ATG2B: variants seen among roughly 807,000 people sequenced by gnomAD.
ATG2B encodes autophagy related 2B, also known as autophagy-related protein 2 homolog B.
In ATG2B, 121 loss-of-function variants were observed where a neutral mutation model predicts 241.3. The observed-to-expected ratio is 0.50, with a 90% CI of 0.43 to 0.58. The LOEUF (loss-of-function observed/expected upper bound fraction) is 0.58. Among genes scored for constraint, ATG2B ranks in the 20% least tolerant of loss-of-function variants. The pLI is 0.00. For synonymous variants in ATG2B, 858 were observed against 876.6 expected, an observed-to-expected ratio of 0.98 and a Z score of 0.37; for missense variants, 2,306 against 2,491.6, an observed-to-expected ratio of 0.93 and a Z score of 1.59.
chr14:96,317,809 CTGG>C lies in ATG2B; in HGVS notation c.2923_2925del (p.Pro975del). 2.5e-6 allele frequency: 4 copies of C among 1,612,616 alleles called. No individual in the cohort carries two copies. The highest frequency in any genetic ancestry group is 2.5e-6 in the Non-Finnish European group (3 of 1,179,066). The stretch of plus-strand genomic sequence containing the variant: ...TAGGAAATATTCTCGAATGTCTCCA[CTGG>C]TGAAGGAGCTGTTGGTTCCCACAGT... On this transcript the variant is annotated inframe_deletion, in exon 19 of 42. Transcript: ENST00000359933.
chr14:96,338,981 A>G (rs570298984), intron 6 of ATG2B, among the ~76,000 whole-genome samples: 34 of 152,282 alleles, frequency 2.2e-4, no homozygotes, highest in African/African-American at 8.2e-4. Flanking sequence ...ACATGATTAT[A>G]TATTTCTCAA....
intron 21 of ATG2B, among the ~76,000 whole-genome samples, chr14:96,315,989 A>G (rs1218472170): frequency 6.6e-6 from 1 of 152,216 alleles, no homozygotes; most frequent in Non-Finnish European, 1.5e-5. Context: ...ATCTATCTTT[A>G]CAGTGGAATA....
intron 29 of ATG2B, 112 bp downstream of exon 29, chr14:96,309,341 C>A: frequency 1.6e-6 from 2 of 1,278,378 alleles, no homozygotes; most frequent in Non-Finnish European, 2.2e-6. Flanking sequence ...AACAGATATC[C>A]ATAAAAACTC....
At chr14:96,340,070 G>A (rs1277354649) in intron 6 of ATG2B, among the ~76,000 whole-genome samples, 3 of 68,074 alleles carry the variant, frequency 4.4e-5, no homozygotes, top group African/African-American at 1.2e-4. Flanking sequence ...TATGCTATAT[G>A]TGATATGATA....
rs754385291 is a variant in ATG2B at position 96,325,823 on chromosome 14, G to A, written c.2263C>T (p.Arg755Cys). The change falls in exon 15 of 42, where the codon CGC becomes TGC. Residue 755 changes from arginine (R) to cysteine (C), a missense_variant. Around this residue, in one of 2 missense-constraint regions of ATG2B, gnomAD observed 1,927 missense variants for 2,011.2 expected, o/e 0.96. Coordinates refer to ENST00000359933, the MANE Select transcript of ATG2B (RefSeq NM_018036.7). Reference protein sequence around the residue: ...VATPALNLSVRFPIPDLRSDQ... With the variant: ...VATPALNLSVCFPIPDLRSDQ... The stretch of plus-strand genomic sequence containing the variant: ...GATCGAAGATCAGGTATTGGGAAGC[G>A]AACAGAAAGGTTTAATGCTGGTGTG... The A allele has an allele frequency of 2.5e-6, 4 of 1,613,966 alleles. No homozygotes were observed. Among genetic ancestry groups the A allele is most frequent in the Non-Finnish European group, 3.4e-6 (4 of 1,179,958 alleles).
intron 30 of ATG2B, among the ~76,000 whole-genome samples, chr14:96,306,450 G>A (rs972572144): frequency 6.6e-6 from 1 of 151,976 alleles, no homozygotes; most frequent in Non-Finnish European, 1.5e-5. Flanking sequence ...CACGATCCTT[G>A]AATAGTCATC....
chr14:96,300,226 T>G (rs1179851667), intron 34 of ATG2B, among the ~76,000 whole-genome samples: 1 of 152,128 alleles, frequency 6.6e-6, no homozygotes, highest in Non-Finnish European at 1.5e-5. Flanking sequence ...AAAAGTCTAT[T>G]AAAGAAAATT....
Position 96,317,873 on chromosome 14 carries a change from G to T in ATG2B, c.2880-18C>A. 1 of 1,551,412 alleles carries T rather than the reference G, an allele frequency of 6.4e-7. No homozygotes were observed. The highest frequency in any genetic ancestry group is 1.2e-5 in the South Asian group (1 of 80,084). ...TAAAGATCCTATAAAGACAAAAGTT[G>T]AAAAATAAGTACTTAACTCCTAGTT... On this transcript the variant is annotated intron_variant, in intron 18 of 41. Transcript: ENST00000359933.
intron 34 of ATG2B, among the ~76,000 whole-genome samples, chr14:96,296,840 G>T (rs1886656133): frequency 6.6e-6 from 1 of 151,292 alleles, no homozygotes; most frequent in African/African-American, 2.4e-5. Context: ...CAATGTGAAG[G>T]GTCAAAATAT....
chr14:96,324,005 A>T lies in ATG2B; in HGVS notation c.2438-7T>A. ...TTCTCTTCCTGGAACGATCCTAAAAAAAAAGACTGATTTACTGAAATGTGC... is the reference window on the plus strand; with the variant it reads ...TTCTCTTCCTGGAACGATCCTAAAATAAAAGACTGATTTACTGAAATGTGC... On this transcript the variant is annotated splice_region_variant and splice_polypyrimidine_tract_variant and intron_variant, in intron 15 of 41. Transcript: ENST00000359933. 6.4e-7 allele frequency: 1 copy of T among 1,568,846 alleles called. No individual in the cohort carries two copies. Among genetic ancestry groups the T allele is most frequent in the Non-Finnish European group, 8.7e-7 (1 of 1,152,618 alleles).
At position 96,328,204 on chromosome 14, in the gene ATG2B, G is replaced by A. The variant is rs79520533; in HGVS notation, c.2163+143C>T. 2.0e-3 allele frequency: 1,114 copies of A among 550,536 alleles called. 19 individuals carry two copies. The East Asian group carries it at 0.031, about 15-fold the overall frequency. The allele number at this position is 550,536 out of a possible 1,614,324, so 34.1% of individuals were successfully genotyped here. A position where few individuals can be genotyped will look rare whatever the true frequency, so the allele number is the denominator to read the frequency against. ...AGTCTACTATCAAGACATAAAAGAT[G>A]TCTCCTTTTTTTATTATTACAAATA... On this transcript the variant is annotated intron_variant, in intron 14 of 41. Coordinates refer to ENST00000359933, the MANE Select transcript of ATG2B (RefSeq NM_018036.7).
chr14:96,344,779 A>T (rs776716681), intron 3 of ATG2B, 23 bp from the exon 4 acceptor site: 4 of 1,148,414 alleles, frequency 3.5e-6, no homozygotes, highest in Non-Finnish European at 5.0e-6. Flanking sequence ...AGTAATTGTC[A>T]ACGTAAGAGA....
chr14:96,319,204 A>G (rs1887396172), intron 18 of ATG2B, among the ~76,000 whole-genome samples: 1 of 152,192 alleles, frequency 6.6e-6, no homozygotes, highest in Non-Finnish European at 1.5e-5. Flanking sequence ...GGAGATTATA[A>G]TCCACTCACC....
rs764354511 is a variant in ATG2B, at chr14:96,362,886, T to C, written c.91A>G (p.Ser31Gly). 3.7e-6 allele frequency: 6 copies of C among 1,613,558 alleles called. No individual in the cohort carries two copies. The highest frequency in any genetic ancestry group is 5.1e-6 in the Non-Finnish European group (6 of 1,179,986). The change falls in exon 1 of 42, where the codon AGC becomes GGC. Residue 31 changes from serine to glycine, a missense_variant. Around this residue, in one of 2 missense-constraint regions of ATG2B, gnomAD observed 1,927 missense variants for 2,011.2 expected, o/e 0.96. Transcript: ENST00000359933. ...AGGTCCAGGCTGAGCTGCTCCAGGCTCAGCTTCTCCTGCAGAAAGTGGCCC... is the reference window on the plus strand; with the variant it reads ...AGGTCCAGGCTGAGCTGCTCCAGGCCCAGCTTCTCCTGCAGAAAGTGGCCC... The part of the protein sequence containing the change: ...YLGHFLQEKL[S>G]LEQLSLDLYQ...
intron 16 of ATG2B, among the ~76,000 whole-genome samples, chr14:96,322,987 GT>G (rs1451880000): frequency 6.6e-6 from 1 of 152,112 alleles, no homozygotes; most frequent in Non-Finnish European, 1.5e-5. Context: ...GGGCAAAAAG[GT>G]TATTTTTAAA....
intron 1 of ATG2B, among the ~76,000 whole-genome samples, chr14:96,351,877 G>C (rs774344243): frequency 6.7e-6 from 1 of 148,804 alleles, no homozygotes; most frequent in Non-Finnish European, 1.5e-5. Context: ...ACCCAAGCCT[G>C]GGTGACACAG....
At chr14:96,354,291 C>T (rs529239678) in intron 1 of ATG2B, among the ~76,000 whole-genome samples, 1 of 152,314 alleles carries the variant, frequency 6.6e-6, no homozygotes, top group South Asian at 2.1e-4. Flanking sequence ...TCACTCCTCA[C>T]CCTCTGACAG....
At chr14:96,341,345 A>G (rs150572511) in intron 6 of ATG2B, among the ~76,000 whole-genome samples, 177 bp downstream of exon 6, 9 of 152,218 alleles carry the variant, frequency 5.9e-5, no homozygotes, top group Non-Finnish European at 1.0e-4. Context: ...CAGTCCTCAC[A>G]TAAATTTTGT....
intron 29 of ATG2B, among the ~76,000 whole-genome samples, chr14:96,308,227 T>TAC (rs1887015512): frequency 3.6e-5 from 1 of 27,606 alleles, no homozygotes; most frequent in Admixed American, 4.5e-4. Context: ...TAAATATATA[T>TAC]ATACATATAT....
Sources: gnomAD v4.1 joint callset for allele counts (sites outside exome capture counted in the v4.1 genomes callset) on GRCh38, gnomAD v4.1.1 for gene constraint, gnomAD v4.1.1 regional missense constraint, MANE v1.5 for transcripts, NCBI Gene and HGNC (gene_info 2026-07-23, HGNC 2026-07-21) for gene names.